The following FAM20A variants were observed in gnomAD, a reference collection of about 807,000 sequenced individuals.
FAM20A encodes pseudokinase FAM20A.
Under a neutral mutation model 52.0 loss-of-function variants are expected in FAM20A, and 42 were observed. The observed-to-expected ratio is 0.81, with a 90% confidence interval of 0.63 to 1.04. FAM20A has a LOEUF of 1.04. Ranked by LOEUF, FAM20A falls within the 50% of genes least tolerant of loss-of-function variation. The probability of loss-of-function intolerance (pLI) is 0.00; values close to 1 mark genes in which losing one functional copy is unlikely to be tolerated. For missense variants in FAM20A, 742 were observed against 712.7 expected, an observed-to-expected ratio of 1.04 and a Z score of -0.47; for synonymous variants, 304 against 298.9, an observed-to-expected ratio of 1.02 and a Z score of -0.18.
intron 1 of FAM20A, among the ~76,000 whole-genome samples, chr17:68,570,416 C>G (rs942177388): frequency 6.6e-6 from 1 of 152,120 alleles, no homozygotes; most frequent in African/African-American, 2.4e-5. Flanking sequence ...TTAATGTGCT[C>G]CTTATCTCAC....
At chr17:68,595,135 T>A (rs562442600) in intron 1 of FAM20A, among the ~76,000 whole-genome samples, 1 of 152,264 alleles carries the variant, frequency 6.6e-6, no homozygotes, top group African/African-American at 2.4e-5. Context: ...AGCATTTGCA[T>A]GCAAAAAATT....
intron 1 of FAM20A, among the ~76,000 whole-genome samples, chr17:68,560,756 A>G (rs772664174): frequency 5.3e-5 from 8 of 152,196 alleles, no homozygotes; most frequent in Non-Finnish European, 7.3e-5. Flanking sequence ...GATATTGCCA[A>G]AGTACCCTCT....
rs1438150528 is a variant in FAM20A, at chr17:68,535,675, T to A, written c.*1802A>T. ...AGAGTTGATTTAAAAAAAAATTTTTTTTTTTTTGTATTTTTTTGTAGAGAC... is the reference window on the plus strand; with the variant it reads ...AGAGTTGATTTAAAAAAAAATTTTTATTTTTTTGTATTTTTTTGTAGAGAC... On this transcript the variant is annotated 3_prime_UTR_variant, in exon 11 of 11. Coordinates refer to ENST00000592554, the MANE Select transcript of FAM20A (RefSeq NM_017565.4). 2.2e-6 allele frequency: 1 copy of A among 447,494 alleles called. No homozygotes were observed. The highest frequency in any genetic ancestry group is 4.4e-6 in the Non-Finnish European group (1 of 225,290). 27.7% of individuals were successfully genotyped at this position (447,494 alleles called of 1,614,324 possible).
chr17:68,551,167 C>A, intron 4 of FAM20A: 1 of 1,222,730 alleles, frequency 8.2e-7, no homozygotes, highest in South Asian at 4.1e-5. Flanking sequence ...CTGTGGGCTG[C>A]AGATCCTTTG....
intron 8 of FAM20A, 28 bp downstream of exon 8, chr17:68,540,821 T>C (rs2086253318): frequency 6.4e-7 from 1 of 1,573,106 alleles, no homozygotes; most frequent in South Asian, 1.2e-5. Context: ...AGCCCACTTC[T>C]GCTGGGGGCC....
In FAM20A at chr17:68,601,038, G is replaced by C. The variant is rs540359371; in HGVS notation, c.-372C>G. The C allele has an allele frequency of 1.3e-5, 2 of 151,594 alleles. No individual in the cohort carries two copies. Among genetic ancestry groups the C allele is most frequent in the Non-Finnish European group, 1.5e-5 (1 of 68,196 alleles). 9.4% of individuals were successfully genotyped at this position (151,594 alleles called of 1,614,324 possible). A position where few individuals can be genotyped will look rare whatever the true frequency, so the allele number is the denominator to read the frequency against. On this transcript the variant is annotated 5_prime_UTR_variant, in exon 1 of 11. Transcript: ENST00000592554. Reference sequence around the variant, plus strand: ...GCGCCGGCTGCCACCGCGGGCGGACGGGCGACGGGGCGGGGGGCGACCGCG... The same window carrying C: ...GCGCCGGCTGCCACCGCGGGCGGACCGGCGACGGGGCGGGGGGCGACCGCG...
rs2087967512 is a variant in FAM20A, at chr17:68,581,402, C to CTTTCTTTCT, written c.404+18852_404+18860dup. On this transcript the variant is annotated intron_variant, in intron 1 of 10. Transcript: ENST00000592554. The stretch of plus-strand genomic sequence containing the variant: ...TCTTTCTTTCTTTCTTTCTTTCTTT[C>CTTTCTTTCT]TTTCTTTCTTTCTTTTTCTCTTTTC... Among the ~76,000 whole-genome samples the CTTTCTTTCT allele has an allele frequency of 2.1e-5, 3 of 142,794 alleles. No homozygotes were observed. In the South Asian group the frequency reaches 6.7e-4, roughly 32 times the overall value. 93.7% of individuals were successfully genotyped at this position (142,794 alleles called of 152,430 possible).
chr17:68,552,372 T>A (rs2086875493), intron 3 of FAM20A, among the ~76,000 whole-genome samples: 1 of 152,214 alleles, frequency 6.6e-6, no homozygotes, highest in African/African-American at 2.4e-5. Context: ...TTCAACTACA[T>A]CTTTGTAGAT....
intron 1 of FAM20A, among the ~76,000 whole-genome samples, chr17:68,572,557 G>A (rs542737729): frequency 6.6e-6 from 1 of 152,182 alleles, no homozygotes; most frequent in Admixed American, 6.5e-5. Context: ...GTTGGAATGG[G>A]CTTCATTTCT....
Position 68,542,430 on chromosome 17 carries a change from A to G in FAM20A, c.928+264T>C, listed in dbSNP as rs186053004. On this transcript the variant is annotated intron_variant, in intron 6 of 10. Coordinates refer to ENST00000592554, the MANE Select transcript of FAM20A (RefSeq NM_017565.4). ...GAACACTCTTTATTACCCTGGGTGG[A>G]TAACCTCTGGTTCCGGGGAGGCCAG... 5.3e-5 allele frequency among the ~76,000 whole-genome samples: 8 copies of G among 152,284 alleles called. No homozygotes were observed. The East Asian group carries it at 1.5e-3, about 29-fold the overall frequency.
At chr17:68,575,957 C>T (rs944441469) in intron 1 of FAM20A, among the ~76,000 whole-genome samples, 5 of 151,338 alleles carry the variant, frequency 3.3e-5, no homozygotes, top group Non-Finnish European at 5.9e-5. Context: ...AGGAGCTAAC[C>T]CTGGGGAAGT....
At chr17:68,575,586 ATT>A (rs1296567940) in intron 1 of FAM20A, among the ~76,000 whole-genome samples, 8 of 111,128 alleles carry the variant, frequency 7.2e-5, no homozygotes, top group Non-Finnish European at 1.2e-4. Flanking sequence ...TATATTCTAT[ATT>A]TTATACATTA....
At chr17:68,543,607 T>A in intron 5 of FAM20A, 22 bp downstream of exon 5, 1 of 1,611,096 alleles carries the variant, frequency 6.2e-7, no homozygotes. Flanking sequence ...GGCAATGCCA[T>A]CTCCATGGGG....
At chr17:68,579,538 G>C (rs1164291814) in intron 1 of FAM20A, among the ~76,000 whole-genome samples, 1 of 152,156 alleles carries the variant, frequency 6.6e-6, no homozygotes, top group Non-Finnish European at 1.5e-5. Context: ...TGAGTTTGTA[G>C]AGCAAAATCC....
Position 68,575,702 on chromosome 17 carries a change from ATTATATATTATATATTTTATATT to A in FAM20A, c.405-19982_405-19960del, listed in dbSNP as rs1568767668. 5.7e-5 allele frequency among the ~76,000 whole-genome samples: 7 copies of A among 121,794 alleles called. No homozygotes were observed. In the South Asian group the frequency reaches 7.0e-4, roughly 12 times the overall value. The allele number at this position is 121,794 out of a possible 152,430, so 79.9% of individuals were successfully genotyped here. On this transcript the variant is annotated intron_variant, in intron 1 of 10. Coordinates refer to ENST00000592554, the MANE Select transcript of FAM20A (RefSeq NM_017565.4). ...TATTTTTATATTTTATATTATATAT[ATTATATATTATATATTTTATATT>A]TTATATATTATATATTTTATATATT... is the stretch of plus-strand genomic sequence containing the variant.
intron 1 of FAM20A, among the ~76,000 whole-genome samples, chr17:68,581,395 T>TTTCTTTC (rs2087964907): frequency 6.8e-6 from 1 of 147,598 alleles, no homozygotes; most frequent in Non-Finnish European, 1.5e-5. Context: ...TCTTTCTTTC[T>TTTCTTTC]TTCTTTCTTT....
At chr17:68,558,019 C>T (rs916105940) in intron 1 of FAM20A, among the ~76,000 whole-genome samples, 1 of 151,994 alleles carries the variant, frequency 6.6e-6, no homozygotes, top group Non-Finnish European at 1.5e-5. Flanking sequence ...TCGCATGAGC[C>T]CTTGAAAGTA....
chr17:68,578,150 G>A (rs2087827432), intron 1 of FAM20A, among the ~76,000 whole-genome samples: 1 of 152,094 alleles, frequency 6.6e-6, no homozygotes, highest in African/African-American at 2.4e-5. Flanking sequence ...CAAAGCAGGA[G>A]CTTTAAAAAT....
chr17:68,571,616 A>G (rs992494186), intron 1 of FAM20A, among the ~76,000 whole-genome samples: 1 of 152,126 alleles, frequency 6.6e-6, no homozygotes, highest in African/African-American at 2.4e-5. Flanking sequence ...TTTGATCCAT[A>G]TGTCTCTTTC....
Sources: allele counts gnomAD v4.1 joint callset (sites outside exome capture counted in the v4.1 genomes callset), GRCh38; gene constraint gnomAD v4.1.1; transcripts MANE v1.5; gene names NCBI Gene and HGNC (gene_info 2026-07-23, HGNC 2026-07-21).